The following KCNC1 variants were observed in gnomAD, a reference collection of about 807,000 sequenced individuals.
KCNC1 encodes potassium voltage-gated channel subfamily C member 1.
KCNC1 carries 8 observed loss-of-function variants against 43.4 expected under a neutral mutation model. The ratio of observed to expected loss-of-function variants is 0.18; its 90% CI spans 0.11 to 0.33. The LOEUF is 0.33. Ranked by LOEUF, KCNC1 falls within the 10% of genes least tolerant of loss-of-function variation. The probability of loss-of-function intolerance (pLI) is 1.00; values close to 1 mark genes in which losing one functional copy is unlikely to be tolerated. For synonymous variants in KCNC1, 361 were observed against 360.5 expected (o/e 1.00, Z -0.01); for missense variants, 420 against 836.0 (o/e 0.50, Z 6.14).
At position 17,763,643 on chromosome 11, in the gene KCNC1, CACA is replaced by C. The variant is rs1163509939; in HGVS notation, c.571-8021_571-8019del. ...ATACACACCCACACACACACACCCC[CACA>C]CCACACCACACGCAATAACACACAG... On this transcript the variant is annotated intron_variant, in intron 1 of 3. Coordinates refer to ENST00000265969, the MANE Select transcript of KCNC1 (RefSeq NM_001112741.2). Among the ~76,000 whole-genome samples the C allele has an allele frequency of 1.7e-3, 213 of 128,098 alleles. 1 individual carries two copies. Among genetic ancestry groups the C allele is most frequent in the South Asian group, 5.6e-3 (20 of 3,600 alleles). The allele number at this position is 128,098 out of a possible 152,430, so 84.0% of individuals were successfully genotyped here. A position where few individuals can be genotyped will look rare whatever the true frequency, so the allele number is the denominator to read the frequency against.
intron 1 of KCNC1, among the ~76,000 whole-genome samples, chr11:17,765,482 G>T (rs1849137756): frequency 6.6e-6 from 1 of 152,202 alleles, no homozygotes; most frequent in South Asian, 2.1e-4. Flanking sequence ...TAAGTCAACA[G>T]ATCGTTAGTA....
In KCNC1 at chr11:17,777,974, G is replaced by A; in HGVS notation, c.1505-1482G>A. ...GGATCACGGGAGAGTGTTCAATCGG[G>A]TGGACATTGTCTCCAGCCTTTTCCC... On this transcript the variant is annotated intron_variant, in intron 2 of 3. Coordinates refer to ENST00000265969, the MANE Select transcript of KCNC1 (RefSeq NM_001112741.2). This position sits in a 1 kb window ranked among gnomAD's most constrained non-coding sequence, Gnocchi z 4.3. 2.2e-6 allele frequency: 1 copy of A among 461,654 alleles called. No individual in the cohort carries two copies. Among genetic ancestry groups the A allele is most frequent in the Non-Finnish European group, 2.8e-6 (1 of 351,414 alleles). 28.6% of individuals were successfully genotyped at this position (461,654 alleles called of 1,614,324 possible). A position where few individuals can be genotyped will look rare whatever the true frequency, so the allele number is the denominator to read the frequency against.
chr11:17,747,356 G>T (rs10766426), intron 1 of KCNC1, among the ~76,000 whole-genome samples: 88,246 of 152,000 alleles, frequency 0.58, 27,343 homozygotes, highest in East Asian at 0.88. Context: ...ATGATGGAAC[G>T]TCCGCCTGCC....
chr11:17,772,677 C>T, intron 2 of KCNC1, 79 bp downstream of exon 2: 1 of 1,556,140 alleles, frequency 6.4e-7, no homozygotes, highest in Non-Finnish European at 8.7e-7. Flanking sequence ...TCCAGTCAGA[C>T]TGCTTCCTTA....
intron 2 of KCNC1, among the ~76,000 whole-genome samples, chr11:17,778,196 G>A (rs890882623): frequency 2.6e-5 from 4 of 152,198 alleles, no homozygotes; most frequent in African/African-American, 4.8e-5. Flanking sequence ...TGGGATGGGG[G>A]CAAAGGCCAG....
Position 17,775,149 on chromosome 11 carries a change from C to T in KCNC1, c.1504+2551C>T, listed in dbSNP as rs192220089. On this transcript the variant is annotated intron_variant, in intron 2 of 3. Transcript: ENST00000265969. ...AGGAATTGTGAGAGATGAGATGCAG[C>T]CCCCCAAGGCCTTTCCAGTCTCACT... The T allele has an allele frequency of 4.1e-5, 40 of 985,406 alleles. No individual in the cohort carries two copies. The East Asian group carries it at 3.3e-3, about 81-fold the overall frequency. The allele number at this position is 985,406 out of a possible 1,614,324, so 61.0% of individuals were successfully genotyped here.
In KCNC1 at chr11:17,748,312, C is replaced by T. The variant is rs572856159; in HGVS notation, c.570+11740C>T. 7.2e-5 allele frequency among the ~76,000 whole-genome samples: 11 copies of T among 152,170 alleles called. No homozygotes were observed. In the South Asian group the frequency reaches 2.3e-3, roughly 32 times the overall value. ...TGCAAAAGCCCTGAGCAGCTGTGTG[C>T]CCAGGGTTCAAGGCGCAGCGAGGAG... On this transcript the variant is annotated intron_variant, in intron 1 of 3. Coordinates refer to ENST00000265969, the MANE Select transcript of KCNC1 (RefSeq NM_001112741.2).
At chr11:17,760,022 A>G (rs1041717109) in intron 1 of KCNC1, among the ~76,000 whole-genome samples, 2 of 152,194 alleles carry the variant, frequency 1.3e-5, no homozygotes, top group Non-Finnish European at 2.9e-5. Flanking sequence ...CTTCCTACTC[A>G]CTGCCTAATC....
chr11:17,774,121 G>T (rs528769439), intron 2 of KCNC1: 2 of 985,544 alleles, frequency 2.0e-6, no homozygotes, highest in East Asian at 1.1e-4. Context: ...TCACCCTGCC[G>T]CATACCCTTC....
intron 1 of KCNC1, among the ~76,000 whole-genome samples, chr11:17,760,114 A>G (rs1438050104): frequency 1.3e-5 from 2 of 150,830 alleles, no homozygotes; most frequent in East Asian, 3.8e-4. Context: ...CACACCTACC[A>G]CAGAACCCTT....
At chr11:17,741,585 A>G (rs1026435498) in intron 1 of KCNC1, among the ~76,000 whole-genome samples, 18 of 151,662 alleles carry the variant, frequency 1.2e-4, no homozygotes, top group Admixed American at 4.6e-4. Context: ...GCTCCAGTTT[A>G]TCCTCCACCT....
At chr11:17,740,964 G>T (rs1590091389) in intron 1 of KCNC1, among the ~76,000 whole-genome samples, 1 of 152,160 alleles carries the variant, frequency 6.6e-6, no homozygotes, top group Non-Finnish European at 1.5e-5. Context: ...GGCTTGGCAT[G>T]CGGAGGGCTG....
chr11:17,768,131 G>C (rs1488574439), intron 1 of KCNC1, among the ~76,000 whole-genome samples: 1 of 152,156 alleles, frequency 6.6e-6, no homozygotes, highest in African/African-American at 2.4e-5. Context: ...TGCCTCCCTG[G>C]GGTGCATTTA....
chr11:17,738,615 T>C (rs1307306081), intron 1 of KCNC1, among the ~76,000 whole-genome samples: 3 of 152,162 alleles, frequency 2.0e-5, no homozygotes, highest in Non-Finnish European at 2.9e-5. Flanking sequence ...CCCCCTCCCC[T>C]GGCCCTCTCC....
intron 1 of KCNC1, among the ~76,000 whole-genome samples, chr11:17,763,799 A>T (rs1281512457): frequency 1.6e-5 from 2 of 126,884 alleles, no homozygotes; most frequent in Non-Finnish European, 3.2e-5. Context: ...CAATACACAC[A>T]CACACAGACC....
intron 1 of KCNC1, among the ~76,000 whole-genome samples, chr11:17,762,553 G>A (rs1849090340): frequency 6.6e-6 from 1 of 152,206 alleles, no homozygotes; most frequent in Admixed American, 6.5e-5. Flanking sequence ...AGGCGGGTGT[G>A]ACGTCACGGT....
At chr11:17,767,445 C>T (rs1462722097) in intron 1 of KCNC1, among the ~76,000 whole-genome samples, 2 of 152,198 alleles carry the variant, frequency 1.3e-5, no homozygotes, top group South Asian at 2.1e-4. Flanking sequence ...CCCGTCTCAC[C>T]AAGCTGGTGT....
chr11:17,736,591 A>T lies in KCNC1; in HGVS notation c.570+19A>T, dbSNP rs186151622. On this transcript the variant is annotated intron_variant, in intron 1 of 3. Coordinates refer to ENST00000265969, the MANE Select transcript of KCNC1 (RefSeq NM_001112741.2). This position sits in a 1 kb window ranked among gnomAD's most constrained non-coding sequence, Gnocchi z 9.3. ...CGCGCGGGTAAGTGACAATTTACCCATCAGAAGAGCGGGGCGGGAAGGCAG... is the reference window on the plus strand; with the variant it reads ...CGCGCGGGTAAGTGACAATTTACCCTTCAGAAGAGCGGGGCGGGAAGGCAG... 4.1e-3 allele frequency: 6,084 copies of T among 1,485,572 alleles called. 28 individuals are homozygous for T. Among genetic ancestry groups the T allele is most frequent in the Non-Finnish European group, 4.8e-3 (5,411 of 1,125,016 alleles). 92.0% of individuals were successfully genotyped at this position (1,485,572 alleles called of 1,614,324 possible).
intron 1 of KCNC1, among the ~76,000 whole-genome samples, chr11:17,741,227 C>A (rs548700047): frequency 7.6e-6 from 1 of 132,380 alleles, no homozygotes; most frequent in South Asian, 3.0e-4. Context: ...CCCCCACCCC[C>A]CTCCCAGTAA....
Sources: allele counts gnomAD v4.1 joint callset (sites outside exome capture counted in the v4.1 genomes callset), GRCh38; gene constraint gnomAD v4.1.1; non-coding constraint Gnocchi (gnomAD v3.1); transcripts MANE v1.5; gene names NCBI Gene and HGNC (gene_info 2026-07-23, HGNC 2026-07-21).